Variants in SIGIRR observed in about 807,000 individuals in gnomAD.
The protein encoded by SIGIRR is single Ig IL-1-related receptor.
SIGIRR carries 41 observed loss-of-function variants against 45.6 expected under a neutral mutation model. That is an observed-to-expected ratio of 0.90 (90% confidence interval 0.70 to 1.17). The LOEUF (loss-of-function observed/expected upper bound fraction) is 1.17, where lower values mean the gene tolerates loss of function less well. Among genes scored for constraint, SIGIRR ranks in the 50% most tolerant of loss-of-function variants. The pLI, the probability that SIGIRR is intolerant of heterozygous loss-of-function variation, is 0.00. For synonymous variants in SIGIRR, 298 were observed against 239.0 expected, an observed-to-expected ratio of 1.25 and a Z score of -2.28; for missense variants, 599 against 539.6, an observed-to-expected ratio of 1.11 and a Z score of -1.09.
intron 1 of SIGIRR, among the ~76,000 whole-genome samples, chr11:413,136 T>G (rs1426085469): frequency 6.6e-6 from 1 of 152,100 alleles, no homozygotes; most frequent in Non-Finnish European, 1.5e-5. Context: ...AAGCCTAAGT[T>G]TCTGCACCCC....
At position 407,902 on chromosome 11, in the gene SIGIRR, C is replaced by T. The variant is rs1342324556; in HGVS notation, c.396G>A (p.Leu132=). ...VLASLLVLLA[L]LLAALLYVKC... ...TGACATAGAGCAGGGCGGCCAGCAGCAGGGCCAGCAGGACCAGGAGGGAGG... is the reference window on the plus strand; with the variant it reads ...TGACATAGAGCAGGGCGGCCAGCAGTAGGGCCAGCAGGACCAGGAGGGAGG... Residue 132 remains leucine, a synonymous_variant, in exon 5 of 10, where the codon CTG becomes CTA. Coordinates refer to ENST00000431843, the MANE Select transcript of SIGIRR (RefSeq NM_001135054.2). 2 of 1,612,182 alleles carry T rather than the reference C, an allele frequency of 1.2e-6. No homozygotes were observed. The highest frequency in any genetic ancestry group is 1.7e-5 in the Admixed American group (1 of 59,932).
intron 4 of SIGIRR, 51 bp from the exon 5 acceptor site, chr11:408,008 A>C: frequency 6.2e-7 from 1 of 1,604,632 alleles, no homozygotes; most frequent in Non-Finnish European, 8.5e-7. Flanking sequence ...CCCAAGCCTC[A>C]AGATCCCTGG....
chr11:406,136 G>A (rs894830914), intron 9 of SIGIRR, 77 bp from the exon 10 acceptor site: 5 of 1,539,270 alleles, frequency 3.2e-6, no homozygotes, highest in Non-Finnish European at 4.4e-6. Flanking sequence ...GGCTGCCCCT[G>A]CTCACCCCCT....
chr11:406,551 T>G lies in SIGIRR; in HGVS notation c.880-13A>C, dbSNP rs1590368422. 1 of 1,601,944 alleles carries G rather than the reference T, an allele frequency of 6.2e-7. No individual in the cohort carries two copies. Among genetic ancestry groups the G allele is most frequent in the Non-Finnish European group, 8.5e-7 (1 of 1,173,366 alleles). On this transcript the variant is annotated splice_polypyrimidine_tract_variant and intron_variant, in intron 8 of 9. Transcript: ENST00000431843. ...CGGAGGAAGGAGTCTGGGGGCCAGG[T>G]CGGGGCGGTTTGCAGGTGTGAACAC...
Position 407,013 on chromosome 11 carries a change from G to T in SIGIRR, c.729-20C>A, listed in dbSNP as rs373727526. The T allele has an allele frequency of 5.0e-6, 8 of 1,588,196 alleles. No individual in the cohort carries two copies. The highest frequency in any genetic ancestry group is 2.3e-5 in the East Asian group (1 of 43,720). On this transcript the variant is annotated intron_variant, in intron 7 of 9. Transcript: ENST00000431843. ...CCCTCCCTGCGGGGCGGGACCGTCAGGGGGGTGGGTGCTACGCTGGGGCCC... is the reference window on the plus strand; with the variant it reads ...CCCTCCCTGCGGGGCGGGACCGTCATGGGGGTGGGTGCTACGCTGGGGCCC...
intron 1 of SIGIRR, among the ~76,000 whole-genome samples, chr11:412,873 C>G (rs561727311): frequency 1.1e-4 from 17 of 152,198 alleles, no homozygotes; most frequent in Middle Eastern, 3.4e-3. Context: ...GAACAGCGCC[C>G]GGTGGGGATG....
upstream of SIGIRR, among the ~76,000 whole-genome samples, chr11:416,060 G>C (rs1847871846): frequency 6.6e-6 from 1 of 152,156 alleles, no homozygotes; most frequent in Non-Finnish European, 1.5e-5. The surrounding 1 kb of genome is among the most constrained non-coding windows in gnomAD (Gnocchi z 9.1). Context: ...GGTGGGCCTT[G>C]GGCTCAGGGT....
rs917478779 is a variant in SIGIRR, at chr11:413,269, T to C, written c.-154+1554A>G. On this transcript the variant is annotated intron_variant, in intron 1 of 9. Transcript: ENST00000431843. ...GCCAGAGGCCCCAGGTTTGACTGTT[T>C]GGCAGTTTCCTCGGGAACCGATACA... 3.9e-5 allele frequency among the ~76,000 whole-genome samples: 6 copies of C among 152,072 alleles called. No individual in the cohort carries two copies. In the East Asian group the frequency reaches 5.8e-4, roughly 15 times the overall value.
At chr11:406,325 G>C (rs1311958104) in intron 9 of SIGIRR, 24 bp downstream of exon 9, 1 of 1,609,848 alleles carries the variant, frequency 6.2e-7, no homozygotes, top group South Asian at 1.1e-5. Flanking sequence ...TCTCCAGTTG[G>C]GGAGTGGGGC....
At chr11:412,793 C>T (rs765609327) in intron 1 of SIGIRR, among the ~76,000 whole-genome samples, 4 of 152,034 alleles carry the variant, frequency 2.6e-5, no homozygotes, top group Non-Finnish European at 5.9e-5. Context: ...ACAGACACCT[C>T]GAAACACCTC....
At position 408,132 on chromosome 11, in the gene SIGIRR, C is replaced by T. The variant is rs146668030; in HGVS notation, c.281G>A (p.Gly94Glu). The change falls in exon 4 of 10, where the codon GGG (glycine) becomes GAG (glutamate). Residue 94 changes from glycine to glutamate, a missense_variant. Gly to Glu is a moderately conservative substitution (Grantham distance 98, BLOSUM62 -2). Coordinates refer to ENST00000431843, the MANE Select transcript of SIGIRR (RefSeq NM_001135054.2). ...GTTCTGGATGGAGCAGGTGAAGGCC[C>T]CATAGACTTCAGTGCTGGTCACGTT... Reference protein sequence around the residue: ...GVNVTSTEVYGAFTCSIQNIS... With the variant: ...GVNVTSTEVYEAFTCSIQNIS... 1.9e-6 allele frequency: 3 copies of T among 1,612,668 alleles called. No individual in the cohort carries two copies. The highest frequency in any genetic ancestry group is 2.5e-6 in the Non-Finnish European group (3 of 1,179,974).
chr11:407,962 G>A lies in SIGIRR; in HGVS notation c.341-5C>T, dbSNP rs376910339. On this transcript the variant is annotated splice_region_variant and splice_polypyrimidine_tract_variant and intron_variant, in intron 4 of 9. Transcript: ENST00000431843. ...CAGCCACGTGGCTTGTAGGGCCTGCGGATGGGTTGCCTGAGCCGCTGCCCC... is the reference window on the plus strand; with the variant it reads ...CAGCCACGTGGCTTGTAGGGCCTGCAGATGGGTTGCCTGAGCCGCTGCCCC... 5.0e-6 allele frequency: 8 copies of A among 1,604,558 alleles called. No individual in the cohort carries two copies. In the Admixed American group the frequency reaches 5.0e-5, roughly 10 times the overall value.
chr11:409,814 G>A, intron 2 of SIGIRR, 54 bp downstream of exon 2: 3 of 1,369,014 alleles, frequency 2.2e-6, no homozygotes, highest in Non-Finnish European at 2.8e-6. Context: ...GCCAGCCTGA[G>A]GGGCAGGAGG....
Position 406,480 on chromosome 11 carries a change from T to TAC in SIGIRR, c.936_937dup (p.Tyr313CysfsTer21). The stretch of plus-strand genomic sequence containing the variant: ...CTGGGGGTCTCCTTCCACAGGCCTG[T>TAC]ACTGCACCTTCCGCGGCAGCGCCAG... On this transcript the variant is annotated frameshift_variant, in exon 9 of 10. Coordinates refer to ENST00000431843, the MANE Select transcript of SIGIRR (RefSeq NM_001135054.2). LOFTEE classifies it high-confidence loss of function. 1.9e-6 allele frequency: 3 copies of TAC among 1,612,286 alleles called. No homozygotes were observed. The highest frequency in any genetic ancestry group is 2.5e-6 in the Non-Finnish European group (3 of 1,179,622).
In SIGIRR at chr11:407,113, A is replaced by ATT; in HGVS notation, c.676_677insAA (p.Val226GlufsTer9). The ATT allele has an allele frequency of 6.6e-7, 1 of 1,524,618 alleles. No individual in the cohort carries two copies. The highest frequency in any genetic ancestry group is 1.3e-5 in the South Asian group (1 of 79,356). The allele number at this position is 1,524,618 out of a possible 1,614,324, so 94.4% of individuals were successfully genotyped here. On this transcript the variant is annotated frameshift_variant, in exon 7 of 10. Coordinates refer to ENST00000431843, the MANE Select transcript of SIGIRR (RefSeq NM_001135054.2). LOFTEE classifies it high-confidence loss of function. Reference sequence around the variant, plus strand: ...GCTCAGGAAGGCGTCCGAAAGCACCACGATGAGGCGTCGGCAGCGGCTCAG... The same window carrying ATT: ...GCTCAGGAAGGCGTCCGAAAGCACCATTCGATGAGGCGTCGGCAGCGGCTCAG...
chr11:410,622 G>C (rs1396766972), intron 1 of SIGIRR, among the ~76,000 whole-genome samples: 3 of 52,420 alleles, frequency 5.7e-5, no homozygotes, highest in Admixed American at 1.5e-4. Flanking sequence ...ATGCAGTCGG[G>C]GGGGGGGGGT....
In SIGIRR at chr11:406,887, G is replaced by C; in HGVS notation, c.835C>G (p.His279Asp). ...AGCAGCAAGGTCACCAGGTGGCGGT[G>C]CTGGCGCAGCAGGCGGAGCGCCGGG... Reference protein sequence around the residue: ...AHPALRLLRQHRHLVTLLLWR... With the variant: ...AHPALRLLRQDRHLVTLLLWR... The change falls in exon 8 of 10, where the codon CAC becomes GAC. Residue 279 changes from histidine to aspartate, a missense_variant. His to Asp is a moderately conservative substitution (Grantham distance 81). Transcript: ENST00000431843. The C allele has an allele frequency of 6.3e-7, 1 of 1,584,676 alleles. No individual in the cohort carries two copies. The highest frequency in any genetic ancestry group is 1.3e-5 in the African/African-American group (1 of 74,734).
chr11:410,579 C>T (rs1199674310), intron 1 of SIGIRR, among the ~76,000 whole-genome samples: 15 of 76,836 alleles, frequency 2.0e-4, no homozygotes, highest in African/African-American at 6.9e-4. Flanking sequence ...ATACAGTCGG[C>T]GGGGGGCTTT....
In SIGIRR at chr11:408,176, C is replaced by T. The variant is rs201028179; in HGVS notation, c.237G>A (p.Val79=). 9.3e-6 allele frequency: 15 copies of T among 1,612,738 alleles called. No individual in the cohort carries two copies. The African/African-American group carries it at 1.3e-4, about 14-fold the overall frequency. ...TCACGTTGACCCCCAGGACACTGGA[C>T]ACAAGCACCTCTGACAGGTTGGCCT... ...WVKANLSEVL[V]SSVLGVNVTS... Residue 79 remains valine (V), a synonymous_variant, in exon 4 of 10, where the codon GTG becomes GTA. Coordinates refer to ENST00000431843, the MANE Select transcript of SIGIRR (RefSeq NM_001135054.2).
Sources: gnomAD v4.1 joint callset for allele counts (sites outside exome capture counted in the v4.1 genomes callset) on GRCh38, gnomAD v4.1.1 for gene constraint, Gnocchi (gnomAD v3.1) non-coding constraint, MANE v1.5 for transcripts, NCBI Gene and HGNC (gene_info 2026-07-23, HGNC 2026-07-21) for gene names.